Variants in RHOU observed in about 807,000 individuals in gnomAD.
RHOU encodes the protein ras homolog family member U.
Under a neutral mutation model 12.6 loss-of-function variants are expected in RHOU, and 8 were observed. The observed-to-expected ratio is 0.64, with a 90% CI of 0.37 to 1.15. The LOEUF is 1.15. RHOU is among the 50% of genes most tolerant of loss of function. The pLI is 0.01. For missense variants in RHOU, 258 were observed against 347.0 expected (o/e 0.74, Z 2.04); for synonymous variants, 161 against 147.4 (o/e 1.09, Z -0.67).
Position 228,735,960 on chromosome 1 carries a change from G to A in RHOU, c.218G>A (p.Gly73Asp). Reference sequence around the variant, plus strand: ...CTGGTGGTGAGCTACACCACCAACGGCTACCCCACCGAGTACATCCCTACT... The same window carrying A: ...CTGGTGGTGAGCTACACCACCAACGACTACCCCACCGAGTACATCCCTACT... Reference protein sequence around the residue: ...TSLVVSYTTNGYPTEYIPTAF... With the variant: ...TSLVVSYTTNDYPTEYIPTAF... The change falls in exon 1 of 3, where the codon GGC becomes GAC. Residue 73 changes from glycine (G) to aspartate (D), a missense_variant. Coordinates refer to ENST00000366691, the MANE Select transcript of RHOU (RefSeq NM_021205.6). This position sits in a 1 kb window ranked among gnomAD's most constrained non-coding sequence, Gnocchi z 8.1. 6.3e-7 allele frequency: 1 copy of A among 1,583,984 alleles called. No individual in the cohort carries two copies. The highest frequency in any genetic ancestry group is 8.6e-7 in the Non-Finnish European group (1 of 1,169,094).
At chr1:228,687,227 C>T in the RHOU span, among the ~76,000 whole-genome samples, 1 of 152,132 alleles carries the variant, frequency 6.6e-6, no homozygotes, top group African/African-American at 2.4e-5. Context: ...AGTGCTCACC[C>T]ACCTCAGCGT....
At chr1:228,700,668 C>T in the RHOU span, among the ~76,000 whole-genome samples, 1 of 152,050 alleles carries the variant, frequency 6.6e-6, no homozygotes, top group Non-Finnish European at 1.5e-5. Context: ...TATACCAAGA[C>T]ATGTCAGAAT....
chr1:228,714,400 A>G, the RHOU span, among the ~76,000 whole-genome samples: 2 of 152,182 alleles, frequency 1.3e-5, no homozygotes, highest in African/African-American at 4.8e-5. Flanking sequence ...AGATTACCTT[A>G]TCTTTGAAGT....
At chr1:228,651,797 A>G in the RHOU span, among the ~76,000 whole-genome samples, 29 of 152,228 alleles carry the variant, frequency 1.9e-4, no homozygotes, top group African/African-American at 6.8e-4. Flanking sequence ...TTATTTTTCA[A>G]ACTTTGGCAG....
At chr1:228,697,802 T>C in the RHOU span, among the ~76,000 whole-genome samples, 3 of 152,272 alleles carry the variant, frequency 2.0e-5, no homozygotes, top group Admixed American at 6.5e-5. Context: ...GGTGGGCAAA[T>C]GATTTTCATG....
chr1:228,722,919 C>A, the RHOU span, among the ~76,000 whole-genome samples: 2 of 152,190 alleles, frequency 1.3e-5, no homozygotes, highest in Non-Finnish European at 2.9e-5. Context: ...CCATTCCCGG[C>A]CCCGGCCTTC....
the RHOU span, among the ~76,000 whole-genome samples, chr1:228,725,245 C>T: frequency 0.034 from 5,208 of 152,276 alleles, 231 homozygotes; most frequent in East Asian, 0.23. Context: ...TTTACAGGAA[C>T]TTGAGCCCAA....
the RHOU span, among the ~76,000 whole-genome samples, chr1:228,686,078 A>G: frequency 6.6e-6 from 1 of 152,098 alleles, no homozygotes; most frequent in African/African-American, 2.4e-5. Flanking sequence ...TAGTCCATTG[A>G]CCCCAAAATC....
At chr1:228,681,531 C>A in the RHOU span, among the ~76,000 whole-genome samples, 2 of 151,978 alleles carry the variant, frequency 1.3e-5, no homozygotes, top group African/African-American at 2.4e-5. Flanking sequence ...GGAACAGAGA[C>A]TAAGGAGGGA....
the RHOU span, among the ~76,000 whole-genome samples, chr1:228,729,991 C>G: frequency 6.6e-6 from 1 of 152,176 alleles, no homozygotes; most frequent in Non-Finnish European, 1.5e-5. Context: ...CCACTGGTGG[C>G]CCATTTGGTG....
chr1:228,707,763 A>G, the RHOU span, among the ~76,000 whole-genome samples: 1 of 152,214 alleles, frequency 6.6e-6, no homozygotes, highest in African/African-American at 2.4e-5. Flanking sequence ...CTCCTCCTCC[A>G]AAGGAATGCA....
the RHOU span, among the ~76,000 whole-genome samples, chr1:228,723,524 G>A: frequency 6.6e-6 from 1 of 152,248 alleles, no homozygotes; most frequent in Non-Finnish European, 1.5e-5. Flanking sequence ...CATGTTGCCA[G>A]GCACATGTGG....
intron 2 of RHOU, among the ~76,000 whole-genome samples, chr1:228,741,899 T>C (rs1389918111): frequency 6.6e-6 from 1 of 152,216 alleles, no homozygotes; most frequent in Non-Finnish European, 1.5e-5. Context: ...GCTGGTTGAC[T>C]TTAATGTGAT....
chr1:228,656,916 G>A, the RHOU span, among the ~76,000 whole-genome samples: 2 of 152,232 alleles, frequency 1.3e-5, no homozygotes, highest in South Asian at 2.1e-4. Flanking sequence ...CATGAAACCC[G>A]ATTCTATGCT....
the RHOU span, among the ~76,000 whole-genome samples, chr1:228,672,403 T>A: frequency 6.6e-6 from 1 of 152,188 alleles, no homozygotes; most frequent in African/African-American, 2.4e-5. Context: ...CCTCAGATGG[T>A]CCACCTGCTT....
At chr1:228,698,774 C>T in the RHOU span, among the ~76,000 whole-genome samples, 1 of 152,176 alleles carries the variant, frequency 6.6e-6, no homozygotes, top group African/African-American at 2.4e-5. Flanking sequence ...TAAATTTTTT[C>T]CCCCACATCG....
the RHOU span, among the ~76,000 whole-genome samples, chr1:228,708,678 C>A: frequency 5.3e-5 from 8 of 151,950 alleles, 1 homozygote; most frequent in African/African-American, 1.9e-4. Context: ...TGGAAAGGAA[C>A]AACCGGTACC....
chr1:228,668,721 C>T, the RHOU span, among the ~76,000 whole-genome samples: 1 of 152,232 alleles, frequency 6.6e-6, no homozygotes, highest in South Asian at 2.1e-4. Flanking sequence ...ACAGCTGTGT[C>T]TGGCTGCTCG....
At chr1:228,648,625 C>T in the RHOU span, among the ~76,000 whole-genome samples, 1 of 151,808 alleles carries the variant, frequency 6.6e-6, no homozygotes, top group Non-Finnish European at 1.5e-5. Flanking sequence ...TATTTTCTTT[C>T]AGAATAATTT....
Sources: allele counts gnomAD v4.1 joint callset (sites outside exome capture counted in the v4.1 genomes callset), GRCh38; gene constraint gnomAD v4.1.1; non-coding constraint Gnocchi (gnomAD v3.1); transcripts MANE v1.5; gene names NCBI Gene and HGNC (gene_info 2026-07-23, HGNC 2026-07-21).